Variants in USH2A observed in about 807,000 individuals in gnomAD.
USH2A encodes usherin.
A neutral mutation model predicts 538.9 loss-of-function variants in USH2A; 443 were observed. The ratio of observed to expected loss-of-function variants is 0.82; its 90% CI spans 0.76 to 0.89. The LOEUF (loss-of-function observed/expected upper bound fraction) is 0.89, where lower values mean the gene tolerates loss of function less well. Among genes scored for constraint, USH2A ranks in the 40% least tolerant of loss-of-function variants. The pLI is 0.00. For missense variants in USH2A, 6,633 were observed against 6,324.8 expected (o/e 1.05, Z -1.65); for synonymous variants, 2,413 against 2,273.5 (o/e 1.06, Z -1.75).
At chr1:216,016,070 A>G (rs1442957732) in intron 32 of USH2A, among the ~76,000 whole-genome samples, 11 of 152,030 alleles carry the variant, frequency 7.2e-5, no homozygotes, top group Non-Finnish European at 5.9e-5. Flanking sequence ...GGAAACCATC[A>G]TTCTGGGCAA....
At chr1:215,647,809 T>G in intron 66 of USH2A, 79 bp from the exon 67 acceptor site, 1 of 1,521,798 alleles carries the variant, frequency 6.6e-7, no homozygotes, top group Non-Finnish European at 9.0e-7. Flanking sequence ...CAGTTCTATT[T>G]TGTGAGGAGA....
In USH2A at chr1:216,085,529, G is replaced by A. The variant is rs2032102256; in HGVS notation, c.4988-652C>T. ...ACACAGCCACCTCCTTTCCTATGGG[G>A]GCAAAGCTTAGTTTTCAGCTTTGAG... On this transcript the variant is annotated intron_variant, in intron 24 of 71. Coordinates refer to ENST00000307340, the MANE Select transcript of USH2A (RefSeq NM_206933.4). 2.0e-5 allele frequency among the ~76,000 whole-genome samples: 3 copies of A among 152,038 alleles called. No homozygotes were observed. The South Asian group carries it at 6.2e-4, about 32-fold the overall frequency.
intron 4 of USH2A, among the ~76,000 whole-genome samples, chr1:216,335,848 A>T (rs2037959144): frequency 6.6e-6 from 1 of 151,634 alleles, no homozygotes; most frequent in East Asian, 1.9e-4. Context: ...CCAAACATTT[A>T]AAGAAGAAGT....
At chr1:215,964,844 C>A (rs1468349409) in intron 37 of USH2A, among the ~76,000 whole-genome samples, 1 of 152,204 alleles carries the variant, frequency 6.6e-6, no homozygotes. Flanking sequence ...TCAGAACACA[C>A]AGCAGAATTA....
chr1:216,074,847 T>G (rs2031695714), intron 27 of USH2A, among the ~76,000 whole-genome samples: 1 of 152,190 alleles, frequency 6.6e-6, no homozygotes, highest in African/African-American at 2.4e-5. Context: ...AAACAAGTGC[T>G]GTTATAAGAA....
chr1:216,033,686 A>G (rs1558222658), intron 32 of USH2A, among the ~76,000 whole-genome samples: 1 of 152,072 alleles, frequency 6.6e-6, no homozygotes, highest in Admixed American at 6.6e-5. Context: ...CCTCATCTCT[A>G]CAAAAATTAG....
chr1:215,994,591 T>A (rs1571873680), intron 34 of USH2A, among the ~76,000 whole-genome samples: 1 of 152,160 alleles, frequency 6.6e-6, no homozygotes, highest in Admixed American at 6.6e-5. Context: ...ATGGGTTAAA[T>A]TGTGGCCTGA....
At chr1:216,296,787 T>A (rs956405270) in intron 9 of USH2A, among the ~76,000 whole-genome samples, 1 of 151,960 alleles carries the variant, frequency 6.6e-6, no homozygotes, top group African/African-American at 2.4e-5. Context: ...CCAAAAAAAT[T>A]TAAAGTGGGG....
At chr1:216,277,175 TC>T (rs1328736414) in intron 11 of USH2A, among the ~76,000 whole-genome samples, 2 of 152,154 alleles carry the variant, frequency 1.3e-5, no homozygotes, top group Non-Finnish European at 2.9e-5. Flanking sequence ...AAATCTATGA[TC>T]CCTCAGCATC....
intron 30 of USH2A, among the ~76,000 whole-genome samples, chr1:216,056,764 G>C (rs1475074202): frequency 6.6e-6 from 1 of 151,618 alleles, no homozygotes; most frequent in Non-Finnish European, 1.5e-5. Flanking sequence ...TGATTTATAA[G>C]AAATTCTATG....
At chr1:216,409,200 G>A (rs2039441921) in intron 3 of USH2A, among the ~76,000 whole-genome samples, 1 of 152,008 alleles carries the variant, frequency 6.6e-6, no homozygotes, top group Non-Finnish European at 1.5e-5. Context: ...GAAATGCAAA[G>A]CACTGCTCAA....
chr1:216,085,190 T>C lies in USH2A; in HGVS notation c.4988-313A>G, dbSNP rs1401656793. ...ATTCATCTGCCACTAGCCTCAAAAA[T>C]AAAGTACTATAATTTTAAAAGTTAG... On this transcript the variant is annotated intron_variant, in intron 24 of 71. Transcript: ENST00000307340. 2 of 305,362 alleles carry C rather than the reference T, an allele frequency of 6.5e-6. 1 individual carries two copies. Among genetic ancestry groups the C allele is most frequent in the South Asian group, 7.9e-5 (2 of 25,434 alleles). The allele number at this position is 305,362 out of a possible 1,614,324, so 18.9% of individuals were successfully genotyped here.
chr1:216,217,647 G>A (rs1466864021), intron 14 of USH2A, 97 bp from the exon 15 acceptor site: 9 of 1,451,112 alleles, frequency 6.2e-6, no homozygotes, highest in South Asian at 1.2e-5. Context: ...AGAGTAAGAC[G>A]GCTTGTTTTA....
chr1:215,962,986 G>A (rs1667239153), intron 37 of USH2A, among the ~76,000 whole-genome samples: 2 of 152,062 alleles, frequency 1.3e-5, no homozygotes, highest in South Asian at 4.1e-4. Flanking sequence ...CTGCAAAATA[G>A]TGACCCAGCT....
Position 216,207,374 on chromosome 1 carries a change from A to C in USH2A, c.3215T>G (p.Leu1072Arg), listed in dbSNP as rs771928055. The C allele has an allele frequency of 6.2e-7, 1 of 1,614,010 alleles. No individual in the cohort carries two copies. The highest frequency in any genetic ancestry group is 8.5e-7 in the Non-Finnish European group (1 of 1,179,948). ...TGGAGAATCAGGTGGACTCCAGGAGAGATTGATAGCAGAAGAACTTTGAAC... is the reference window on the plus strand; with the variant it reads ...TGGAGAATCAGGTGGACTCCAGGAGCGATTGATAGCAGAAGAACTTTGAAC... ...GQVQSSSAIN[L>R]SWSPPDSPNA... is the part of the protein sequence containing the mutation. The change falls in exon 16 of 72, where the codon CTC becomes CGC. Residue 1072 changes from leucine to arginine, a missense_variant. Coordinates refer to ENST00000307340, the MANE Select transcript of USH2A (RefSeq NM_206933.4).
intron 3 of USH2A, among the ~76,000 whole-genome samples, chr1:216,383,171 C>T (rs1488681824): frequency 6.6e-6 from 1 of 151,998 alleles, no homozygotes. Context: ...TCTTCAGAAA[C>T]ACGATGCAAT....
intron 37 of USH2A, among the ~76,000 whole-genome samples, chr1:215,956,298 C>T (rs1407682367): frequency 6.6e-6 from 1 of 152,174 alleles, no homozygotes; most frequent in Non-Finnish European, 1.5e-5. Context: ...GCTGGCTTAT[C>T]CAGTTGAACT....
chr1:215,836,479 TA>T (rs1276480004), intron 47 of USH2A, among the ~76,000 whole-genome samples: 109 of 4,668 alleles, frequency 0.023, 2 homozygotes, highest in South Asian at 0.078. Flanking sequence ...TATATATATA[TA>T]ATATATATTA....
chr1:215,771,579 CAAAAAAAAAAAAAAAAAAAAAA>C (rs759067576), intron 55 of USH2A, among the ~76,000 whole-genome samples: 9 of 43,994 alleles, frequency 2.0e-4, no homozygotes, highest in African/African-American at 7.4e-4. Context: ...GACTCCGTCT[CAAAAAAAAAAAAAAAAAAAAAA>C]AAAAAAAAAA....
Sources: allele counts gnomAD v4.1 joint callset (sites outside exome capture counted in the v4.1 genomes callset), GRCh38; gene constraint gnomAD v4.1.1; transcripts MANE v1.5; gene names NCBI Gene and HGNC (gene_info 2026-07-23, HGNC 2026-07-21).